The following THSD7B variants were observed in gnomAD, a reference collection of about 807,000 sequenced individuals.
THSD7B encodes the protein thrombospondin type 1 domain containing 7B.
THSD7B carries 138 observed loss-of-function variants against 213.6 expected under a neutral mutation model. That is an observed-to-expected ratio of 0.65 (90% CI 0.56 to 0.74). The LOEUF is 0.74. Ranked by LOEUF, THSD7B falls within the 30% of genes least tolerant of loss-of-function variation. The probability of loss-of-function intolerance (pLI) is 0.00; values close to 1 mark genes in which losing one functional copy is unlikely to be tolerated. For missense variants in THSD7B, 1,931 were observed against 1,991.5 expected (o/e 0.97, Z 0.58); for synonymous variants, 742 against 687.0 (o/e 1.08, Z -1.25).
chr2:136,878,401 A>T (rs1282808429), intron 1 of THSD7B, among the ~76,000 whole-genome samples: 1 of 152,240 alleles, frequency 6.6e-6, no homozygotes, highest in Non-Finnish European at 1.5e-5. Context: ...TCTTTATAGC[A>T]GCATGACTTA....
At chr2:137,409,518 T>C (rs1686601091) in intron 13 of THSD7B, among the ~76,000 whole-genome samples, 4 of 147,844 alleles carry the variant, frequency 2.7e-5, no homozygotes. Flanking sequence ...TAGATGTAGA[T>C]TTTTCAGTCT....
chr2:137,401,373 A>T (rs1686355941), intron 12 of THSD7B, among the ~76,000 whole-genome samples: 1 of 152,034 alleles, frequency 6.6e-6, no homozygotes, highest in Non-Finnish European at 1.5e-5. Context: ...CCTACTTGCT[A>T]TTTCTTTAGT....
chr2:137,053,674 T>C (rs1687109408), intron 2 of THSD7B, among the ~76,000 whole-genome samples: 1 of 152,168 alleles, frequency 6.6e-6, no homozygotes, highest in African/African-American at 2.4e-5. Context: ...ATATTAACTT[T>C]TGAAGATTGA....
intron 2 of THSD7B, among the ~76,000 whole-genome samples, chr2:136,902,466 G>A (rs1026331201): frequency 6.6e-6 from 1 of 152,176 alleles, no homozygotes; most frequent in Admixed American, 6.5e-5. Context: ...AAAAATGACG[G>A]CAGGAAGACA....
intron 10 of THSD7B, among the ~76,000 whole-genome samples, chr2:137,267,376 A>G (rs537607786): frequency 6.6e-6 from 1 of 152,298 alleles, no homozygotes; most frequent in Non-Finnish European, 1.5e-5. Context: ...ATCACTCACA[A>G]AAGCTTACAA....
At chr2:136,971,427 T>C (rs1466520549) in intron 2 of THSD7B, among the ~76,000 whole-genome samples, 1 of 151,860 alleles carries the variant, frequency 6.6e-6, no homozygotes, top group Non-Finnish European at 1.5e-5. Flanking sequence ...ATGTGAAAAA[T>C]TGCATTGAAA....
At chr2:137,356,967 G>GACACACACAC (rs3048465) in intron 12 of THSD7B, among the ~76,000 whole-genome samples, 115 of 140,978 alleles carry the variant, frequency 8.2e-4, no homozygotes, top group East Asian at 6.6e-3. Flanking sequence ...CACACACACA[G>GACACACACAC]ACACACACAC....
intron 2 of THSD7B, among the ~76,000 whole-genome samples, chr2:137,046,536 C>A (rs536553232): frequency 2.2e-4 from 33 of 152,024 alleles, no homozygotes; most frequent in African/African-American, 6.7e-4. Flanking sequence ...TCGAGAGCAG[C>A]CTGGCCAACA....
At chr2:137,261,900 T>G (rs1682459873) in intron 10 of THSD7B, among the ~76,000 whole-genome samples, 1 of 147,070 alleles carries the variant, frequency 6.8e-6, no homozygotes, top group Admixed American at 6.8e-5. Flanking sequence ...GGAAAGGACA[T>G]TGAGGAAAGT....
intron 14 of THSD7B, among the ~76,000 whole-genome samples, chr2:137,449,234 G>A (rs1687600845): frequency 6.6e-6 from 1 of 152,162 alleles, no homozygotes. Context: ...AGGAGTTGTG[G>A]AATAGGGGAC....
At chr2:137,248,538 A>C (rs1046024104) in intron 10 of THSD7B, among the ~76,000 whole-genome samples, 1 of 152,184 alleles carries the variant, frequency 6.6e-6, no homozygotes, top group Non-Finnish European at 1.5e-5. Context: ...TCAATTAGGG[A>C]ACTGGTCAAT....
intron 7 of THSD7B, among the ~76,000 whole-genome samples, chr2:137,190,796 G>A (rs936926962): frequency 3.9e-5 from 6 of 152,154 alleles, no homozygotes; most frequent in African/African-American, 1.4e-4. Context: ...ATCTTTTAAG[G>A]GGATTGCACC....
intron 1 of THSD7B, among the ~76,000 whole-genome samples, chr2:136,843,890 G>A (rs1682956854): frequency 6.6e-6 from 1 of 152,036 alleles, no homozygotes. Flanking sequence ...TGAACACTAT[G>A]GATTTATTCC....
At chr2:137,106,709 C>T (rs977938003) in intron 4 of THSD7B, among the ~76,000 whole-genome samples, 20 of 151,994 alleles carry the variant, frequency 1.3e-4, no homozygotes, top group South Asian at 1.0e-3. Flanking sequence ...AAGAAAACAA[C>T]CCCATTAAAA....
chr2:137,080,359 G>A (rs1211548720), intron 3 of THSD7B, among the ~76,000 whole-genome samples: 1 of 137,594 alleles, frequency 7.3e-6, no homozygotes, highest in East Asian at 2.1e-4. Context: ...GTACCACCAT[G>A]CCCAGCTGTT....
At chr2:137,282,975 A>C (rs936768569) in intron 12 of THSD7B, among the ~76,000 whole-genome samples, 5 of 152,122 alleles carry the variant, frequency 3.3e-5, no homozygotes, top group African/African-American at 1.2e-4. Flanking sequence ...GATGGCATTG[A>C]ATCTATAAAT....
At chr2:137,539,226 G>A (rs1409549148) in intron 15 of THSD7B, among the ~76,000 whole-genome samples, 1 of 151,610 alleles carries the variant, frequency 6.6e-6, no homozygotes, top group Admixed American at 6.6e-5. Context: ...AATGCCTTAG[G>A]GGCCAAGTGC....
chr2:136,923,991 C>T (rs1308275844), intron 2 of THSD7B, among the ~76,000 whole-genome samples: 1 of 152,106 alleles, frequency 6.6e-6, no homozygotes, highest in Non-Finnish European at 1.5e-5. Flanking sequence ...GCTTTTGTTC[C>T]CTGTGCTTTA....
chr2:137,617,213 T>G (rs1386915912), intron 18 of THSD7B, among the ~76,000 whole-genome samples: 1 of 152,192 alleles, frequency 6.6e-6, no homozygotes, highest in East Asian at 1.9e-4. Flanking sequence ...AGAAATACAA[T>G]AAAACTTGCT....
Sources: gnomAD v4.1 joint callset for allele counts (sites outside exome capture counted in the v4.1 genomes callset) on GRCh38, gnomAD v4.1.1 for gene constraint, MANE v1.5 for transcripts, NCBI Gene and HGNC (gene_info 2026-07-23, HGNC 2026-07-21) for gene names.